The following TBCA variants were observed in gnomAD, a reference collection of about 807,000 sequenced individuals.
The protein encoded by TBCA is tubulin folding cofactor A, also known as tubulin-specific chaperone A.
A neutral mutation model predicts 15.8 loss-of-function variants in TBCA; 6 were observed. That is an observed-to-expected ratio of 0.38 (90% CI 0.21 to 0.75). The LOEUF is 0.75. Among genes scored for constraint, TBCA ranks in the 30% least tolerant of loss-of-function variants. The pLI is 0.46. For synonymous variants in TBCA, 32 were observed against 42.3 expected (o/e 0.76, Z 0.94); for missense variants, 90 against 131.2 (o/e 0.69, Z 1.53).
chr5:77,757,466 T>C (rs1450992613), intron 1 of TBCA, among the ~76,000 whole-genome samples: 2 of 152,196 alleles, frequency 1.3e-5, no homozygotes, highest in Non-Finnish European at 2.9e-5. Flanking sequence ...CTTGCCTTCC[T>C]TGTTGGAAGC....
intron 1 of TBCA, among the ~76,000 whole-genome samples, chr5:77,734,118 T>C (rs1221823150): frequency 2.6e-5 from 4 of 152,288 alleles, no homozygotes; most frequent in Non-Finnish European, 5.9e-5. Context: ...CCTTTCAAAA[T>C]ATTACTGCTT....
chr5:77,711,707 T>C (rs1746281563), intron 1 of TBCA, among the ~76,000 whole-genome samples: 1 of 152,192 alleles, frequency 6.6e-6, no homozygotes, highest in Admixed American at 6.5e-5. Flanking sequence ...AGGAGGATTC[T>C]ATGCCTAAGC....
intron 1 of TBCA, among the ~76,000 whole-genome samples, chr5:77,711,380 C>A (rs548405400): frequency 6.6e-5 from 10 of 152,270 alleles, no homozygotes; most frequent in Non-Finnish European, 1.3e-4. Flanking sequence ...CCACTTAATT[C>A]TGTCCATCAC....
At chr5:77,771,731 T>G (rs1747920106) in intron 1 of TBCA, among the ~76,000 whole-genome samples, 1 of 152,164 alleles carries the variant, frequency 6.6e-6, no homozygotes, top group Non-Finnish European at 1.5e-5. Context: ...CCCCTAACAT[T>G]CAACCTGCCT....
chr5:77,743,151 G>A (rs935104585), intron 1 of TBCA, among the ~76,000 whole-genome samples: 4 of 152,192 alleles, frequency 2.6e-5, no homozygotes, highest in African/African-American at 9.7e-5. Context: ...CATACCATTA[G>A]ACTCAAAATA....
intron 1 of TBCA, among the ~76,000 whole-genome samples, chr5:77,716,726 C>T (rs914149358): frequency 1.3e-5 from 2 of 152,190 alleles, no homozygotes; most frequent in Non-Finnish European, 2.9e-5. Flanking sequence ...AATTCTCAAA[C>T]ATTTGAACAT....
intron 1 of TBCA, among the ~76,000 whole-genome samples, chr5:77,741,235 T>G (rs767302930): frequency 6.6e-6 from 1 of 151,952 alleles, no homozygotes; most frequent in Non-Finnish European, 1.5e-5. Flanking sequence ...GAGAGAGAAA[T>G]AGGATAGAGG....
intron 1 of TBCA, among the ~76,000 whole-genome samples, chr5:77,758,444 C>T (rs528442707): frequency 3.9e-5 from 6 of 152,316 alleles, no homozygotes; most frequent in Admixed American, 1.3e-4. Flanking sequence ...TAATCAATCA[C>T]GACCCTTTCA....
At chr5:77,731,797 C>T (rs1746776541) in intron 1 of TBCA, among the ~76,000 whole-genome samples, 1 of 151,902 alleles carries the variant, frequency 6.6e-6, no homozygotes, top group Non-Finnish European at 1.5e-5. Flanking sequence ...CCAGGTTTTA[C>T]ATAGATAAGG....
At chr5:77,698,013 G>T (rs147367344) in intron 2 of TBCA, among the ~76,000 whole-genome samples, 34 of 152,134 alleles carry the variant, frequency 2.2e-4, no homozygotes, top group African/African-American at 7.9e-4. Context: ...TCAGCTACTT[G>T]GGAGGCCAAA....
At chr5:77,697,873 T>C (rs563954760) in intron 2 of TBCA, among the ~76,000 whole-genome samples, 1 of 152,260 alleles carries the variant, frequency 6.6e-6, no homozygotes, top group East Asian at 1.9e-4. Context: ...CTCATGCCTG[T>C]AATCCTAACA....
At chr5:77,703,780 T>A (rs1746078671) in intron 2 of TBCA, among the ~76,000 whole-genome samples, 1 of 152,120 alleles carries the variant, frequency 6.6e-6, no homozygotes, top group Non-Finnish European at 1.5e-5. Context: ...TTATTTTTTG[T>A]AGAGACAGAG....
At chr5:77,774,406 A>T (rs750962438) in intron 1 of TBCA, among the ~76,000 whole-genome samples, 1 of 152,146 alleles carries the variant, frequency 6.6e-6, no homozygotes, top group Non-Finnish European at 1.5e-5. Context: ...GATAAGAAAC[A>T]TTTACAATCT....
At chr5:77,751,730 A>G (rs555461702) in intron 1 of TBCA, among the ~76,000 whole-genome samples, 2 of 152,304 alleles carry the variant, frequency 1.3e-5, no homozygotes, top group South Asian at 2.1e-4. Context: ...TGCAAGAGAA[A>G]GAGTAATTCA....
chr5:77,715,778 T>C lies in TBCA; in HGVS notation c.54-7431A>G, dbSNP rs543278858. ...AAAAAGTGGGTAAGATGACTCCTGA[T>C]CAACTAATGAAAGTTTGGCATTTTA... On this transcript the variant is annotated intron_variant, in intron 1 of 3. Coordinates refer to ENST00000380377, the MANE Select transcript of TBCA (RefSeq NM_004607.3). Among the ~76,000 whole-genome samples, 4 of 152,344 alleles carry C rather than the reference T, an allele frequency of 2.6e-5. No homozygotes were observed. In the East Asian group the frequency reaches 7.7e-4, roughly 29 times the overall value.
intron 1 of TBCA, among the ~76,000 whole-genome samples, chr5:77,771,928 T>G (rs898528000): frequency 6.6e-6 from 1 of 152,142 alleles, no homozygotes; most frequent in East Asian, 1.9e-4. Context: ...ATTGAAGGAT[T>G]TGGGGCATGA....
intron 1 of TBCA, among the ~76,000 whole-genome samples, chr5:77,723,768 T>C (rs969802785): frequency 1.3e-5 from 2 of 152,042 alleles, no homozygotes; most frequent in African/African-American, 4.8e-5. Context: ...AATGTAGTAA[T>C]AGATACTGCG....
At chr5:77,749,916 A>G (rs985182663) in intron 1 of TBCA, among the ~76,000 whole-genome samples, 1 of 152,214 alleles carries the variant, frequency 6.6e-6, no homozygotes, top group Non-Finnish European at 1.5e-5. Context: ...CTAATGTTAA[A>G]TGCAATGTAA....
chr5:77,749,429 A>T (rs1324858514), intron 1 of TBCA, among the ~76,000 whole-genome samples: 1 of 152,232 alleles, frequency 6.6e-6, no homozygotes, highest in Non-Finnish European at 1.5e-5. Context: ...TGTATAACAG[A>T]TGTGTGCATA....
Sources: gnomAD v4.1 joint callset for allele counts (sites outside exome capture counted in the v4.1 genomes callset) on GRCh38, gnomAD v4.1.1 for gene constraint, MANE v1.5 for transcripts, NCBI Gene and HGNC (gene_info 2026-07-23, HGNC 2026-07-21) for gene names.